CSMD1: variants seen among roughly 807,000 people sequenced by gnomAD.
CSMD1 encodes the protein CUB and sushi domain-containing protein 1.
A neutral mutation model predicts 417.5 loss-of-function variants in CSMD1; 213 were observed. That is an observed-to-expected ratio of 0.51 (90% confidence interval 0.46 to 0.57). The LOEUF (loss-of-function observed/expected upper bound fraction) is 0.57. CSMD1 is among the 20% of genes least tolerant of loss of function. The pLI, the probability that CSMD1 is intolerant of heterozygous loss-of-function variation, is 0.00. For synonymous variants in CSMD1, 2,862 were observed against 1,736.8 expected (o/e 1.65, Z -16.11); for missense variants, 6,923 against 4,529.7 (o/e 1.53, Z -15.17).
intron 37 of CSMD1, among the ~76,000 whole-genome samples, chr8:3,176,564 T>A (rs1426107289): frequency 6.6e-6 from 1 of 152,164 alleles, no homozygotes; most frequent in Non-Finnish European, 1.5e-5. Context: ...AGAGAAATTT[T>A]CAGATCCTTA....
At chr8:4,427,843 T>G (rs148903263) in intron 2 of CSMD1, among the ~76,000 whole-genome samples, 1 of 152,188 alleles carries the variant, frequency 6.6e-6, no homozygotes, top group Non-Finnish European at 1.5e-5. Flanking sequence ...TAATTCTTTT[T>G]CTTAAAACCC....
chr8:4,498,756 T>C (rs75321296), intron 2 of CSMD1, among the ~76,000 whole-genome samples: 308 of 152,300 alleles, frequency 2.0e-3, no homozygotes, highest in Middle Eastern at 3.4e-3. Context: ...GTAGTCAACC[T>C]TCATTTTATA....
At chr8:3,602,980 A>G (rs1333170444) in intron 8 of CSMD1, among the ~76,000 whole-genome samples, 1 of 152,180 alleles carries the variant, frequency 6.6e-6, no homozygotes, top group East Asian at 1.9e-4. Flanking sequence ...TCTACTACAG[A>G]TATTGAAAAG....
At chr8:3,978,911 T>C (rs1195796191) in intron 5 of CSMD1, among the ~76,000 whole-genome samples, 2 of 152,212 alleles carry the variant, frequency 1.3e-5, no homozygotes, top group African/African-American at 2.4e-5. Context: ...AGACAAGGAA[T>C]TAGCGTCCTA....
intron 3 of CSMD1, among the ~76,000 whole-genome samples, chr8:4,347,373 A>C (rs1201229487): frequency 6.6e-6 from 1 of 152,140 alleles, no homozygotes; most frequent in Non-Finnish European, 1.5e-5. Context: ...CTGCTCTTTG[A>C]TTTCTTGGGA....
At chr8:4,247,647 A>G (rs1802793458) in intron 3 of CSMD1, among the ~76,000 whole-genome samples, 1 of 152,174 alleles carries the variant, frequency 6.6e-6, no homozygotes, top group Non-Finnish European at 1.5e-5. Context: ...GTAAGTTATC[A>G]CCATTCAACA....
At chr8:4,341,554 A>C (rs1257909686) in intron 3 of CSMD1, among the ~76,000 whole-genome samples, 1 of 152,114 alleles carries the variant, frequency 6.6e-6, no homozygotes, top group Non-Finnish European at 1.5e-5. Context: ...TTTTTCCTAC[A>C]GTGTGATTTT....
chr8:4,068,299 C>A (rs768428077), intron 3 of CSMD1, among the ~76,000 whole-genome samples: 3 of 152,088 alleles, frequency 2.0e-5, no homozygotes, highest in Non-Finnish European at 4.4e-5. Context: ...AGCTGGAGGA[C>A]AGTGTATTGC....
chr8:4,567,707 C>G (rs1158928638), intron 2 of CSMD1, among the ~76,000 whole-genome samples: 1 of 152,016 alleles, frequency 6.6e-6, no homozygotes, highest in Non-Finnish European at 1.5e-5. Context: ...TATAGCTGGG[C>G]CAATTCCAAT....
At chr8:3,309,599 C>T (rs535646745) in intron 23 of CSMD1, among the ~76,000 whole-genome samples, 33 of 144,468 alleles carry the variant, frequency 2.3e-4, no homozygotes, top group African/African-American at 7.3e-4. Flanking sequence ...CTATTCATAT[C>T]ATGATGCAAA....
At chr8:3,388,440 T>G (rs543860966) in intron 17 of CSMD1, among the ~76,000 whole-genome samples, 2 of 152,208 alleles carry the variant, frequency 1.3e-5, no homozygotes, top group African/African-American at 2.4e-5. Flanking sequence ...TGTTTACATA[T>G]GCGAAGAAAT....
At chr8:4,299,999 A>C (rs1797893897) in intron 3 of CSMD1, among the ~76,000 whole-genome samples, 3 of 152,194 alleles carry the variant, frequency 2.0e-5, no homozygotes, top group Non-Finnish European at 1.5e-5. Flanking sequence ...CCTTTGTAGA[A>C]AGCATAAATC....
intron 7 of CSMD1, among the ~76,000 whole-genome samples, chr8:3,646,647 G>A (rs1258942044): frequency 6.6e-6 from 1 of 152,292 alleles, no homozygotes; most frequent in East Asian, 1.9e-4. Flanking sequence ...TCCTGCCAAA[G>A]CCGTGCTCAG....
intron 23 of CSMD1, among the ~76,000 whole-genome samples, chr8:3,323,093 A>T (rs1310353569): frequency 6.6e-6 from 1 of 152,130 alleles, no homozygotes; most frequent in East Asian, 1.9e-4. Context: ...AACATCTGTC[A>T]TTTATCTTTC....
chr8:3,972,272 A>T (rs1023957413), intron 5 of CSMD1, among the ~76,000 whole-genome samples: 1 of 152,200 alleles, frequency 6.6e-6, no homozygotes, highest in African/African-American at 2.4e-5. Flanking sequence ...GTTCATTTTT[A>T]TAAGTACTAG....
chr8:4,498,100 A>G (rs553302229), intron 2 of CSMD1, among the ~76,000 whole-genome samples: 1 of 152,282 alleles, frequency 6.6e-6, no homozygotes, highest in South Asian at 2.1e-4. Flanking sequence ...GTCCTCAAAC[A>G]TGGAAATAAT....
intron 3 of CSMD1, among the ~76,000 whole-genome samples, chr8:4,104,834 C>G (rs560087060): frequency 3.3e-4 from 51 of 152,274 alleles, no homozygotes; most frequent in African/African-American, 1.2e-3. Context: ...TCCTTGAGAT[C>G]AAAGCCTCTG....
chr8:3,457,969 A>G (rs1358012231), intron 12 of CSMD1, among the ~76,000 whole-genome samples: 2 of 152,204 alleles, frequency 1.3e-5, no homozygotes, highest in Non-Finnish European at 2.9e-5. Context: ...AATATCACCT[A>G]GAAGTACACC....
chr8:4,223,520 C>T (rs1801169570), intron 3 of CSMD1, among the ~76,000 whole-genome samples: 1 of 152,232 alleles, frequency 6.6e-6, no homozygotes, highest in Non-Finnish European at 1.5e-5. Context: ...ATCTACCACA[C>T]CACTGCTCGT....
Sources: gnomAD v4.1 joint callset for allele counts (sites outside exome capture counted in the v4.1 genomes callset) on GRCh38, gnomAD v4.1.1 for gene constraint, MANE v1.5 for transcripts, NCBI Gene and HGNC (gene_info 2026-07-23, HGNC 2026-07-21) for gene names.